KDM3A: variants seen among roughly 807,000 people sequenced by gnomAD.
The protein encoded by KDM3A is lysine-specific demethylase 3A.
A neutral mutation model predicts 158.0 loss-of-function variants in KDM3A; 60 were observed. That is an observed-to-expected ratio of 0.38 (90% CI 0.31 to 0.47). KDM3A has a LOEUF of 0.47. Ranked by LOEUF, KDM3A falls within the 20% of genes least tolerant of loss-of-function variation. The pLI is 0.99. For missense variants in KDM3A, 1,319 were observed against 1,574.3 expected (o/e 0.84, Z 2.74); for synonymous variants, 608 against 549.3 (o/e 1.11, Z -1.49).
intron 21 of KDM3A, 61 bp downstream of exon 21, chr2:86,485,920 T>G (rs1047227075): frequency 5.1e-6 from 8 of 1,570,336 alleles, no homozygotes; most frequent in South Asian, 1.1e-5. Flanking sequence ...TTTGGAAAAT[T>G]GATTTTGTGG....
intron 8 of KDM3A, among the ~76,000 whole-genome samples, chr2:86,457,744 A>C (rs563166145): frequency 6.6e-6 from 1 of 152,286 alleles, no homozygotes; most frequent in South Asian, 2.1e-4. Context: ...CCTTCTCAAT[A>C]ATAAGGAATT....
chr2:86,471,295 A>G (rs1673392284), intron 11 of KDM3A, among the ~76,000 whole-genome samples: 1 of 151,234 alleles, frequency 6.6e-6, no homozygotes, highest in African/African-American at 2.4e-5. Flanking sequence ...ATATGTATAT[A>G]TGTGTGTATG....
At chr2:86,464,670 A>G (rs1332290070) in intron 9 of KDM3A, among the ~76,000 whole-genome samples, 1 of 152,242 alleles carries the variant, frequency 6.6e-6, no homozygotes, top group East Asian at 1.9e-4. Flanking sequence ...TGAGGAAGCA[A>G]TATCTGTAGG....
At chr2:86,443,289 C>G (rs1441666130) in intron 2 of KDM3A, 1 of 152,156 alleles carries the variant, frequency 6.6e-6, no homozygotes, top group Non-Finnish European at 1.5e-5. Flanking sequence ...TTAGCATTGG[C>G]AGTTGATTAT....
intron 4 of KDM3A, among the ~76,000 whole-genome samples, chr2:86,452,089 G>A (rs1014161985): frequency 2.6e-4 from 39 of 152,010 alleles, no homozygotes; most frequent in African/African-American, 8.7e-4. Context: ...CATGATGCAG[G>A]TTCCCAGCTC....
chr2:86,474,701 T>TTGTGTG (rs369518183), intron 11 of KDM3A, 75 bp from the exon 12 acceptor site: 44,706 of 422,776 alleles, frequency 0.11, 2,123 homozygotes, highest in African/African-American at 0.13. Context: ...TGTAAATAAG[T>TTGTGTG]TGTGTGTGTG....
intron 11 of KDM3A, among the ~76,000 whole-genome samples, chr2:86,470,848 T>C (rs919865736): frequency 1.3e-5 from 2 of 152,244 alleles, no homozygotes; most frequent in African/African-American, 2.4e-5. Context: ...TAAATACTTT[T>C]GAATTTCTGT....
intron 11 of KDM3A, among the ~76,000 whole-genome samples, chr2:86,471,912 C>T (rs1046550601): frequency 1.3e-5 from 2 of 152,094 alleles, no homozygotes; most frequent in African/African-American, 2.4e-5. Flanking sequence ...CCCTTCCTCT[C>T]GAGAATTTTC....
At chr2:86,448,117 G>T (rs984638329) in intron 2 of KDM3A, among the ~76,000 whole-genome samples, 1 of 152,230 alleles carries the variant, frequency 6.6e-6, no homozygotes, top group Non-Finnish European at 1.5e-5. Flanking sequence ...CATTTATTCT[G>T]ATTTGGAAAG....
intron 2 of KDM3A, among the ~76,000 whole-genome samples, chr2:86,444,834 T>C (rs1410807646): frequency 6.6e-6 from 1 of 152,178 alleles, no homozygotes; most frequent in East Asian, 1.9e-4. Flanking sequence ...AGAGAGACTT[T>C]ATAACAAAAC....
chr2:86,467,879 G>C (rs1417576057), intron 10 of KDM3A, among the ~76,000 whole-genome samples: 4 of 151,988 alleles, frequency 2.6e-5, no homozygotes, highest in African/African-American at 7.3e-5. Flanking sequence ...TTAAAAATCA[G>C]CCAGGCATGG....
At chr2:86,442,446 A>G in intron 2 of KDM3A, 1 of 541,868 alleles carries the variant, frequency 1.8e-6, no homozygotes, top group South Asian at 2.2e-5. Flanking sequence ...GGCTTTAATA[A>G]TGGGCTTAGG....
At chr2:86,456,729 T>G (rs573754410) in intron 6 of KDM3A, 76 bp from the exon 7 acceptor site, 2 of 1,328,436 alleles carry the variant, frequency 1.5e-6, no homozygotes, top group Admixed American at 3.7e-5. Context: ...CCTATTGTTA[T>G]GTTAATGAAC....
At position 86,489,086 on chromosome 2, in the gene KDM3A, G is replaced by A. The variant is rs944906017; in HGVS notation, c.3314-232G>A. 21 of 432,226 alleles carry A rather than the reference G, an allele frequency of 4.9e-5. No individual in the cohort carries two copies. The South Asian group carries it at 5.1e-4, about 10-fold the overall frequency. 26.8% of individuals were successfully genotyped at this position (432,226 alleles called of 1,614,324 possible). A position where few individuals can be genotyped will look rare whatever the true frequency, so the allele number is the denominator to read the frequency against. ...TGTCCTTTTGGCAAATCCCAGCTTC[G>A]GAAGCCTGCTTTAACCACTTCCATT... On this transcript the variant is annotated intron_variant, in intron 21 of 25. Transcript: ENST00000312912.
At position 86,456,558 on chromosome 2, in the gene KDM3A, T is replaced by A. The variant is rs759388609; in HGVS notation, c.673T>A (p.Cys225Ser). 1.0e-5 allele frequency: 16 copies of A among 1,606,486 alleles called. No individual in the cohort carries two copies. Reference protein sequence around the residue: ...NPASKTLQVNCEEIPALKIVD... With the variant: ...NPASKTLQVNSEEIPALKIVD... ...AGCATCAAAAACTCTTCAAGTCAAC[T>A]GTGAGGAGGTAAAGACAACAATAAC... The change falls in exon 6 of 26, where the codon TGT becomes AGT. Residue 225 changes from cysteine to serine, a missense_variant. By Grantham distance (112) the Cys-to-Ser change is moderately radical. This residue lies in a region of KDM3A where 652 missense variants were observed against 627.2 expected (regional missense o/e 1.04). Transcript: ENST00000312912.
rs1674337872 is a variant in KDM3A at position 86,489,253 on chromosome 2, G to C, written c.3314-65G>C. On this transcript the variant is annotated intron_variant, in intron 21 of 25. Transcript: ENST00000312912. ...CAGGGACCTACCATCCCCCAGGTAG[G>C]TAGTGGAAAGACTGTGGCAGCCTTT... is the stretch of plus-strand genomic sequence containing the variant. 4 of 1,561,786 alleles carry C rather than the reference G, an allele frequency of 2.6e-6. No homozygotes were observed. In the South Asian group the frequency reaches 3.7e-5, roughly 14 times the overall value.
At chr2:86,478,521 T>TG in intron 14 of KDM3A, 87 bp from the exon 15 acceptor site, 3 of 1,437,160 alleles carry the variant, frequency 2.1e-6, no homozygotes, top group South Asian at 1.3e-5. Flanking sequence ...AGTAATCCTG[T>TG]GGGGAATGCC....
chr2:86,466,110 C>CGT (rs1262345515), intron 9 of KDM3A, among the ~76,000 whole-genome samples: 1 of 152,054 alleles, frequency 6.6e-6, no homozygotes, highest in African/African-American at 2.4e-5. Flanking sequence ...GTAGAACTAA[C>CGT]GTAAGAAGTT....
intron 15 of KDM3A, 83 bp downstream of exon 15, chr2:86,478,818 T>G: frequency 7.1e-7 from 1 of 1,408,988 alleles, no homozygotes; most frequent in Non-Finnish European, 9.8e-7. Context: ...TTTCTATCAG[T>G]GCATTTGAAA....
Sources: allele counts gnomAD v4.1 joint callset (sites outside exome capture counted in the v4.1 genomes callset), GRCh38; gene constraint gnomAD v4.1.1; regional missense constraint gnomAD v4.1.1; transcripts MANE v1.5; gene names NCBI Gene and HGNC (gene_info 2026-07-23, HGNC 2026-07-21).